Variants in OTUD7A observed in about 807,000 individuals in gnomAD.
OTUD7A encodes the protein OTU domain-containing protein 7A.
Under a neutral mutation model 65.7 loss-of-function variants are expected in OTUD7A, and 12 were observed. The ratio of observed to expected loss-of-function variants is 0.18; its 90% confidence interval spans 0.12 to 0.30. OTUD7A has a LOEUF of 0.30. Ranked by LOEUF, OTUD7A falls within the 10% of genes least tolerant of loss-of-function variation. The pLI is 1.00. For missense variants in OTUD7A, 1,148 were observed against 1,304.8 expected (o/e 0.88, Z 1.85); for synonymous variants, 641 against 586.3 (o/e 1.09, Z -1.35).
chr15:31,867,696 A>G, intron 1 of OTUD7A, among the ~76,000 whole-genome samples: 1 of 152,110 alleles, frequency 6.6e-6, no homozygotes, highest in East Asian at 1.9e-4. Flanking sequence ...CTCCTCTCCA[A>G]ACTAACACTC....
chr15:31,788,353 G>C (rs1291515641), intron 1 of OTUD7A, among the ~76,000 whole-genome samples: 1 of 152,216 alleles, frequency 6.6e-6, no homozygotes, highest in African/African-American at 2.4e-5. Flanking sequence ...CCAAGGATCA[G>C]AATAGATCTG....
intron 3 of OTUD7A, among the ~76,000 whole-genome samples, chr15:31,624,286 C>G (rs969307378): frequency 3.9e-5 from 6 of 152,164 alleles, no homozygotes; most frequent in African/African-American, 1.4e-4. Flanking sequence ...TGATTATAAT[C>G]AGCAAAATAA....
intron 8 of OTUD7A, among the ~76,000 whole-genome samples, chr15:31,514,176 C>T (rs990417561): frequency 1.3e-5 from 2 of 151,772 alleles, no homozygotes; most frequent in African/African-American, 2.4e-5. Flanking sequence ...ATTCTGACCT[C>T]CCAAGTAGCT....
intron 1 of OTUD7A, among the ~76,000 whole-genome samples, chr15:31,859,464 G>A (rs1340240292): frequency 6.6e-6 from 1 of 152,210 alleles, no homozygotes; most frequent in East Asian, 1.9e-4. Flanking sequence ...ATTCAGTTAA[G>A]TGATATAAAA....
At chr15:31,777,611 T>A (rs1460159528) in intron 1 of OTUD7A, among the ~76,000 whole-genome samples, 1 of 152,106 alleles carries the variant, frequency 6.6e-6, no homozygotes, top group Non-Finnish European at 1.5e-5. Context: ...GAGTGCAGTG[T>A]AGAGGCTGGG....
intron 3 of OTUD7A, among the ~76,000 whole-genome samples, chr15:31,594,109 A>C (rs563397700): frequency 6.6e-6 from 1 of 152,352 alleles, no homozygotes; most frequent in African/African-American, 2.4e-5. Context: ...AAAAATATCA[A>C]AGACAGTGAA....
chr15:31,501,403 T>C (rs1328277881), intron 10 of OTUD7A, among the ~76,000 whole-genome samples: 1 of 152,238 alleles, frequency 6.6e-6, no homozygotes, highest in Non-Finnish European at 1.5e-5. Flanking sequence ...TGCATTCCTA[T>C]AAAATATGTA....
At chr15:31,757,734 C>A (rs578198366) in intron 1 of OTUD7A, among the ~76,000 whole-genome samples, 1 of 152,306 alleles carries the variant, frequency 6.6e-6, no homozygotes, top group Non-Finnish European at 1.5e-5. Context: ...GGGTCACTTT[C>A]ATCTGGACAA....
At chr15:31,753,683 TGA>T (rs61186531) in intron 1 of OTUD7A, among the ~76,000 whole-genome samples, 12,265 of 88,162 alleles carry the variant, frequency 0.14, 1,825 homozygotes, top group African/African-American at 0.33. Flanking sequence ...ATATAACCTG[TGA>T]GATATATATA....
chr15:31,822,530 G>A (rs73380570), intron 1 of OTUD7A, among the ~76,000 whole-genome samples: 4,111 of 152,316 alleles, frequency 0.027, 175 homozygotes, highest in African/African-American at 0.094. Flanking sequence ...GAGGGACTGT[G>A]ATTCCCCAGC....
At chr15:31,521,985 T>G (rs1319254127) in intron 8 of OTUD7A, among the ~76,000 whole-genome samples, 5 of 152,208 alleles carry the variant, frequency 3.3e-5, no homozygotes, top group Non-Finnish European at 7.3e-5. Flanking sequence ...TTCACCATAG[T>G]CAAGATAAGT....
At chr15:31,499,027 G>A (rs11637480) in intron 10 of OTUD7A, among the ~76,000 whole-genome samples, 2,247 of 152,316 alleles carry the variant, frequency 0.015, 17 homozygotes, top group Non-Finnish European at 0.024. Context: ...GCTTCCCTTA[G>A]AGGGAGAGGC....
chr15:31,655,684 A>G (rs1025351635), intron 2 of OTUD7A, among the ~76,000 whole-genome samples: 2 of 152,212 alleles, frequency 1.3e-5, no homozygotes, highest in African/African-American at 4.8e-5. Context: ...AAGCCTCCCA[A>G]GCTATTGTAT....
At chr15:31,564,061 A>G (rs963206368) in intron 4 of OTUD7A, among the ~76,000 whole-genome samples, 7 of 151,084 alleles carry the variant, frequency 4.6e-5, no homozygotes, top group Admixed American at 4.0e-4. Context: ...AGAATATCAG[A>G]ATGCAAAATA....
At chr15:31,853,423 A>G (rs925451532) in intron 1 of OTUD7A, among the ~76,000 whole-genome samples, 3 of 152,248 alleles carry the variant, frequency 2.0e-5, no homozygotes, top group Non-Finnish European at 4.4e-5. Context: ...TCAAGGAGAC[A>G]GACACAACCA....
Position 31,605,849 on chromosome 15 carries a change from G to A in OTUD7A, c.152-35652C>T, listed in dbSNP as rs146651125. ...TTTCCACGCCCTCTCTCCAGCCACCGGGGAGACTGTGCCACTGTGCCCGTG... is the reference window on the plus strand; with the variant it reads ...TTTCCACGCCCTCTCTCCAGCCACCAGGGAGACTGTGCCACTGTGCCCGTG... On this transcript the variant is annotated intron_variant, in intron 3 of 12. Transcript: ENST00000307050. 2.0e-3 allele frequency among the ~76,000 whole-genome samples: 312 copies of A among 152,232 alleles called. 1 individual carries two copies. The highest frequency in any genetic ancestry group is 7.1e-3 in the African/African-American group (296 of 41,542).
At chr15:31,807,342 C>T (rs892107093) in intron 1 of OTUD7A, among the ~76,000 whole-genome samples, 36 of 152,174 alleles carry the variant, frequency 2.4e-4, no homozygotes, top group Non-Finnish European at 4.4e-4. Context: ...ATGTGTTTCA[C>T]ACCTGTGAAA....
intron 1 of OTUD7A, among the ~76,000 whole-genome samples, chr15:31,777,456 GT>G (rs1428937736): frequency 6.6e-5 from 10 of 152,348 alleles, no homozygotes; most frequent in African/African-American, 2.4e-4. Flanking sequence ...GGACCTTCAT[GT>G]GGACCCTGGA....
chr15:31,826,786 A>G (rs1314201922), intron 1 of OTUD7A, among the ~76,000 whole-genome samples: 2 of 152,156 alleles, frequency 1.3e-5, no homozygotes, highest in African/African-American at 2.4e-5. Context: ...TTCTTCCACC[A>G]AGTACCCTAA....
Sources: gnomAD v4.1 joint callset for allele counts (sites outside exome capture counted in the v4.1 genomes callset) on GRCh38, gnomAD v4.1.1 for gene constraint, MANE v1.5 for transcripts, NCBI Gene and HGNC (gene_info 2026-07-23, HGNC 2026-07-21) for gene names.